Variants in CLEC9A observed in about 807,000 individuals in gnomAD.
The protein encoded by CLEC9A is C-type lectin domain containing 9A, also known as C-type lectin domain family 9 member A.
CLEC9A carries 24 observed loss-of-function variants against 30.0 expected under a neutral mutation model. The ratio of observed to expected loss-of-function variants is 0.80; its 90% CI spans 0.58 to 1.13. CLEC9A has a LOEUF of 1.13. Ranked by LOEUF, CLEC9A falls within the 50% of genes most tolerant of loss-of-function variation. The pLI, the probability that CLEC9A is intolerant of heterozygous loss-of-function variation, is 0.00. For missense variants in CLEC9A, 251 were observed against 280.9 expected, an observed-to-expected ratio of 0.89 and a Z score of 0.76; for synonymous variants, 111 against 96.8, an observed-to-expected ratio of 1.15 and a Z score of -0.86.
chr12:10,037,545 C>T (rs1865754065), intron 1 of CLEC9A, among the ~76,000 whole-genome samples: 1 of 152,152 alleles, frequency 6.6e-6, no homozygotes, highest in Admixed American at 6.5e-5. Context: ...CCCGCACTCA[C>T]TCACACTGGG....
At chr12:10,045,225 A>G (rs983453174) in intron 2 of CLEC9A, among the ~76,000 whole-genome samples, 7 of 152,122 alleles carry the variant, frequency 4.6e-5, no homozygotes, top group Non-Finnish European at 8.8e-5. Context: ...AGCTATCTCA[A>G]TCTCTTCTTT....
intron 2 of CLEC9A, among the ~76,000 whole-genome samples, chr12:10,049,220 C>T (rs1865873128): frequency 6.6e-6 from 1 of 151,956 alleles, no homozygotes; most frequent in South Asian, 2.1e-4. Flanking sequence ...ATGCTATAAA[C>T]AAATGTGCTG....
At chr12:10,050,358 AC>A (rs1287342232) in intron 2 of CLEC9A, among the ~76,000 whole-genome samples, 1 of 152,248 alleles carries the variant, frequency 6.6e-6, no homozygotes, top group Non-Finnish European at 1.5e-5. Flanking sequence ...ATTGCTTGAC[AC>A]AGAGTTGCCG....
At chr12:10,059,311 T>TA (rs1246505381) in intron 5 of CLEC9A, among the ~76,000 whole-genome samples, 1 of 152,118 alleles carries the variant, frequency 6.6e-6, no homozygotes, top group Non-Finnish European at 1.5e-5. Flanking sequence ...AGAAGGAGGA[T>TA]AGCCTTTTCA....
chr12:10,044,825 T>C (rs1865831807), intron 2 of CLEC9A, among the ~76,000 whole-genome samples: 1 of 152,244 alleles, frequency 6.6e-6, no homozygotes, highest in South Asian at 2.1e-4. Flanking sequence ...CTTGGCTTTC[T>C]TGCCTTTCTG....
At chr12:10,054,536 C>CTAT (rs1267266444) in intron 5 of CLEC9A, among the ~76,000 whole-genome samples, 185 bp downstream of exon 5, 1 of 152,122 alleles carries the variant, frequency 6.6e-6, no homozygotes, top group Non-Finnish European at 1.5e-5. Context: ...TTTCAATGAT[C>CTAT]TATTGCATGT....
intron 4 of CLEC9A, 63 bp downstream of exon 4, chr12:10,052,841 CT>C: frequency 6.6e-7 from 1 of 1,516,526 alleles, no homozygotes; most frequent in Non-Finnish European, 9.0e-7. Flanking sequence ...TTTTTCTGCT[CT>C]ATCATGAGGC....
rs544355547 is a variant in CLEC9A, at chr12:10,041,832, A to T, written c.-163+212A>T. ...TTGCTAGAGTTGATTGGTCAAATTG[A>T]CTTGTCCCTTCCTGACAGCTCAGGT... On this transcript the variant is annotated intron_variant, in intron 2 of 8. Coordinates refer to ENST00000355819, the MANE Select transcript of CLEC9A (RefSeq NM_207345.4). 5.3e-5 allele frequency among the ~76,000 whole-genome samples: 8 copies of T among 152,330 alleles called. No homozygotes were observed. In the South Asian group the frequency reaches 1.0e-3, roughly 20 times the overall value.
At chr12:10,061,012 A>C in intron 5 of CLEC9A, 115 bp from the exon 6 acceptor site, 1 of 1,260,634 alleles carries the variant, frequency 7.9e-7, no homozygotes, top group Non-Finnish European at 1.1e-6. Context: ...CTAAAATAAT[A>C]CAAATTCAAG....
At chr12:10,033,695 T>C (rs1192103511) in intron 1 of CLEC9A, among the ~76,000 whole-genome samples, 1 of 152,220 alleles carries the variant, frequency 6.6e-6, no homozygotes, top group African/African-American at 2.4e-5. Context: ...GTATTGTTGA[T>C]TGAGAATACC....
At chr12:10,063,470 AAGG>A (rs1565594057) in intron 7 of CLEC9A, among the ~76,000 whole-genome samples, 1 of 152,244 alleles carries the variant, frequency 6.6e-6, no homozygotes, top group Non-Finnish European at 1.5e-5. Flanking sequence ...AGGAGGGAAT[AAGG>A]AGAATACTAT....
chr12:10,051,352 C>T (rs562707025), intron 2 of CLEC9A, among the ~76,000 whole-genome samples: 31 of 152,270 alleles, frequency 2.0e-4, no homozygotes, highest in African/African-American at 6.7e-4. Context: ...ACAAACTTGG[C>T]CCCTGGCTTC....
intron 2 of CLEC9A, among the ~76,000 whole-genome samples, chr12:10,042,114 G>A (rs1865802756): frequency 6.6e-6 from 1 of 152,204 alleles, no homozygotes; most frequent in Non-Finnish European, 1.5e-5. Context: ...CTAGGCTGGT[G>A]CCAGTTTAAA....
At chr12:10,034,196 G>A (rs1176772194) in intron 1 of CLEC9A, among the ~76,000 whole-genome samples, 1 of 152,188 alleles carries the variant, frequency 6.6e-6, no homozygotes, top group East Asian at 1.9e-4. Context: ...TTTCTTAGCA[G>A]TAAATTTGTC....
intron 1 of CLEC9A, among the ~76,000 whole-genome samples, chr12:10,040,234 A>C (rs1409499807): frequency 6.6e-6 from 1 of 152,236 alleles, no homozygotes; most frequent in Non-Finnish European, 1.5e-5. Context: ...CTCTGAACTC[A>C]GCTGAGAATC....
chr12:10,056,050 C>A (rs1865939690), intron 5 of CLEC9A, among the ~76,000 whole-genome samples: 1 of 90,298 alleles, frequency 1.1e-5, no homozygotes, highest in Non-Finnish European at 2.0e-5. Flanking sequence ...CAGAGTGAGA[C>A]TCTGTCTCAA....
At chr12:10,064,895 T>C in intron 8 of CLEC9A, 42 bp downstream of exon 8, 2 of 1,591,962 alleles carry the variant, frequency 1.3e-6, no homozygotes, top group South Asian at 1.1e-5. Flanking sequence ...GTTAGAAACA[T>C]GAGGGAATTC....
chr12:10,050,055 A>C (rs938147005), intron 2 of CLEC9A, among the ~76,000 whole-genome samples: 6 of 152,200 alleles, frequency 3.9e-5, no homozygotes, highest in African/African-American at 1.4e-4. Flanking sequence ...TAATATTGTT[A>C]GGTCTCAGGG....
At chr12:10,056,163 G>A (rs978582787) in intron 5 of CLEC9A, among the ~76,000 whole-genome samples, 2 of 145,868 alleles carry the variant, frequency 1.4e-5, no homozygotes, top group Middle Eastern at 3.6e-3. Flanking sequence ...TCTAGTAAAC[G>A]AAATCTTATA....
Sources: gnomAD v4.1 joint callset for allele counts (sites outside exome capture counted in the v4.1 genomes callset) on GRCh38, gnomAD v4.1.1 for gene constraint, MANE v1.5 for transcripts, NCBI Gene and HGNC (gene_info 2026-07-23, HGNC 2026-07-21) for gene names.